PTPRT: variants seen among roughly 807,000 people sequenced by gnomAD.
The protein encoded by PTPRT is receptor-type tyrosine-protein phosphatase T.
In PTPRT, 56 loss-of-function variants were observed where a neutral mutation model predicts 176.8. The ratio of observed to expected loss-of-function variants is 0.32; its 90% confidence interval spans 0.26 to 0.40. The LOEUF is 0.40. Ranked by LOEUF, PTPRT falls within the 10% of genes least tolerant of loss-of-function variation. The probability of loss-of-function intolerance (pLI) is 1.00; values close to 1 mark genes in which losing one functional copy is unlikely to be tolerated. For missense variants in PTPRT, 1,540 were observed against 1,908.2 expected, an observed-to-expected ratio of 0.81 and a Z score of 3.60; for synonymous variants, 783 against 739.0, an observed-to-expected ratio of 1.06 and a Z score of -0.96.
chr20:42,858,908 G>A (rs1199330184), intron 2 of PTPRT, among the ~76,000 whole-genome samples: 7 of 152,138 alleles, frequency 4.6e-5, no homozygotes, highest in African/African-American at 1.7e-4. Flanking sequence ...TGGTCAAGGG[G>A]AGAGTCTTTG....
chr20:42,135,899 C>T (rs1988350176), intron 18 of PTPRT, among the ~76,000 whole-genome samples: 2 of 152,152 alleles, frequency 1.3e-5, no homozygotes, highest in Admixed American at 6.5e-5. Flanking sequence ...AGATCCATGA[C>T]CTCCATACCC....
chr20:42,248,759 A>G lies in PTPRT; in HGVS notation c.2240T>C (p.Met747Thr). 6.2e-7 allele frequency: 1 copy of G among 1,614,098 alleles called. No homozygotes were observed. Among genetic ancestry groups the G allele is most frequent in the South Asian group, 1.1e-5 (1 of 91,052 alleles). ...PEKQVDNTVK[M>T]AGVIAGLLMF... is the part of the protein sequence containing the mutation. ...GAGGAGGCCAGCGATCACGCCAGCC[A>G]TCTTCACGGTGTTGTCCACCTGCTT... is the stretch of plus-strand genomic sequence containing the variant. The change falls in exon 14 of 31, where the codon ATG becomes ACG. Residue 747 changes from methionine to threonine, a missense_variant. Coordinates refer to ENST00000373187, the MANE Select transcript of PTPRT (RefSeq NM_007050.6).
chr20:42,712,239 C>T (rs543256399), intron 6 of PTPRT, among the ~76,000 whole-genome samples: 2 of 152,268 alleles, frequency 1.3e-5, no homozygotes, highest in South Asian at 2.1e-4. Flanking sequence ...TCCCCAAGTC[C>T]CACAGGATCT....
At chr20:42,254,020 T>G (rs1437676063) in intron 13 of PTPRT, among the ~76,000 whole-genome samples, 1 of 152,192 alleles carries the variant, frequency 6.6e-6, no homozygotes, top group Non-Finnish European at 1.5e-5. Flanking sequence ...GGCATGGCCC[T>G]TGGTTTATTA....
rs551763220 is a variant in PTPRT, at chr20:42,363,974, A to G, written c.1561-11689T>C. On this transcript the variant is annotated intron_variant, in intron 9 of 30. Transcript: ENST00000373187. ...TTAAAGGATCAGCTAGAGTGCAAAG[A>G]CATGTTAGGAGTATTTGGACAGGCA... Among the ~76,000 whole-genome samples the G allele has an allele frequency of 1.5e-3, 221 of 152,296 alleles. 4 individuals carry two copies. The highest frequency in any genetic ancestry group is 5.2e-3 in the African/African-American group (215 of 41,562).
chr20:42,570,135 G>A (rs2073129048), intron 7 of PTPRT, among the ~76,000 whole-genome samples: 1 of 152,116 alleles, frequency 6.6e-6, no homozygotes, highest in Non-Finnish European at 1.5e-5. Context: ...GACAGCCAGT[G>A]TGTGTCGCCA....
chr20:43,039,970 G>C (rs1258114449), intron 1 of PTPRT, among the ~76,000 whole-genome samples: 2 of 152,120 alleles, frequency 1.3e-5, no homozygotes, highest in African/African-American at 4.8e-5. Context: ...GAGCCTGGGA[G>C]GCAGAGGTTG....
At position 42,075,404 on chromosome 20, in the gene PTPRT, A is replaced by G. The variant is rs1051932128; in HGVS notation, c.*5475T>C. 1 of 227,872 alleles carries G rather than the reference A, an allele frequency of 4.4e-6. No individual in the cohort carries two copies. 14.1% of individuals were successfully genotyped at this position (227,872 alleles called of 1,614,324 possible). A position where few individuals can be genotyped will look rare whatever the true frequency, so the allele number is the denominator to read the frequency against. On this transcript the variant is annotated 3_prime_UTR_variant, in exon 31 of 31. Coordinates refer to ENST00000373187, the MANE Select transcript of PTPRT (RefSeq NM_007050.6). The stretch of plus-strand genomic sequence containing the variant: ...TCCTGGCCCAGCACAACCTGTTGAC[A>G]TGACTTAGGAACAGCGTCCTGTTCA...
At chr20:42,789,999 C>G (rs1384836343) in intron 3 of PTPRT, among the ~76,000 whole-genome samples, 1 of 152,170 alleles carries the variant, frequency 6.6e-6, no homozygotes, top group Non-Finnish European at 1.5e-5. Flanking sequence ...GAAATTTCTC[C>G]AAAATGCAGA....
At chr20:42,203,333 C>T (rs1308036422) in intron 15 of PTPRT, among the ~76,000 whole-genome samples, 1 of 152,188 alleles carries the variant, frequency 6.6e-6, no homozygotes, top group Admixed American at 6.5e-5. Context: ...ATTTTTCTCT[C>T]TCAACGAAAG....
intron 7 of PTPRT, among the ~76,000 whole-genome samples, chr20:42,506,951 T>G (rs1440000143): frequency 2.6e-5 from 4 of 152,034 alleles, no homozygotes; most frequent in African/African-American, 9.7e-5. Context: ...CACATCTTAT[T>G]AATAGAGTTC....
At chr20:42,640,108 G>A (rs955152317) in intron 7 of PTPRT, among the ~76,000 whole-genome samples, 4 of 152,048 alleles carry the variant, frequency 2.6e-5, no homozygotes, top group Admixed American at 6.6e-5. Context: ...CCACACCTCT[G>A]TACCTGCCCT....
rs908988895 is a variant in PTPRT at position 42,074,638 on chromosome 20, C to T, written c.*6241G>A. 1 of 396,646 alleles carries T rather than the reference C, an allele frequency of 2.5e-6. No individual in the cohort carries two copies. Among genetic ancestry groups the T allele is most frequent in the Non-Finnish European group, 4.4e-6 (1 of 225,346 alleles). The allele number at this position is 396,646 out of a possible 1,614,324, so 24.6% of individuals were successfully genotyped here. A position where few individuals can be genotyped will look rare whatever the true frequency, so the allele number is the denominator to read the frequency against. ...CCTTGCACTTCCCTTGTATCTGCCC[C>T]AGTGGACCACCCCTGAGCTCTTAGA... On this transcript the variant is annotated 3_prime_UTR_variant, in exon 31 of 31. Transcript: ENST00000373187.
At chr20:42,033,084 A>G in the PTPRT span, among the ~76,000 whole-genome samples, 6 of 152,194 alleles carry the variant, frequency 3.9e-5, no homozygotes. Context: ...TGGTTAGGGC[A>G]GAGGTGAGAC....
chr20:43,020,677 G>A (rs1050846245), intron 1 of PTPRT, among the ~76,000 whole-genome samples: 1 of 152,070 alleles, frequency 6.6e-6, no homozygotes, highest in South Asian at 2.1e-4. Flanking sequence ...CTGAGATACC[G>A]CTCCCATGCA....
chr20:42,366,741 T>C (rs2058519708), intron 9 of PTPRT, among the ~76,000 whole-genome samples: 1 of 151,590 alleles, frequency 6.6e-6, no homozygotes, highest in Non-Finnish European at 1.5e-5. Flanking sequence ...TCTCTGCCCC[T>C]CTTGTGATTC....
At chr20:42,641,554 T>C (rs1451023002) in intron 7 of PTPRT, among the ~76,000 whole-genome samples, 1 of 152,150 alleles carries the variant, frequency 6.6e-6, no homozygotes, top group African/African-American at 2.4e-5. Flanking sequence ...CTACAGACTT[T>C]GGAAAAGTCC....
intron 6 of PTPRT, among the ~76,000 whole-genome samples, chr20:42,743,151 A>C (rs2076637074): frequency 6.6e-6 from 1 of 152,212 alleles, no homozygotes; most frequent in South Asian, 2.1e-4. Flanking sequence ...GCTCCGTACC[A>C]CCAGGCCGCA....
chr20:42,951,402 T>G (rs1981241017), intron 1 of PTPRT, among the ~76,000 whole-genome samples: 1 of 145,472 alleles, frequency 6.9e-6, no homozygotes, highest in African/African-American at 2.5e-5. Context: ...GATGGGGGGG[T>G]GGGTAAGCGA....
Sources: gnomAD v4.1 joint callset for allele counts (sites outside exome capture counted in the v4.1 genomes callset) on GRCh38, gnomAD v4.1.1 for gene constraint, MANE v1.5 for transcripts, NCBI Gene and HGNC (gene_info 2026-07-23, HGNC 2026-07-21) for gene names.